Variants in GALNT11 observed in about 807,000 individuals in gnomAD.
The protein encoded by GALNT11 is polypeptide N-acetylgalactosaminyltransferase 11.
GALNT11 carries 47 observed loss-of-function variants against 72.7 expected under a neutral mutation model. That is an observed-to-expected ratio of 0.65 (90% CI 0.51 to 0.82). The LOEUF is 0.82. Ranked by LOEUF, GALNT11 falls within the 40% of genes least tolerant of loss-of-function variation. The pLI is 0.00. For missense variants in GALNT11, 677 were observed against 778.4 expected (o/e 0.87, Z 1.55); for synonymous variants, 270 against 286.6 (o/e 0.94, Z 0.58).
intron 7 of GALNT11, among the ~76,000 whole-genome samples, chr7:152,112,807 T>A (rs947525503): frequency 1.1e-4 from 16 of 151,902 alleles, no homozygotes; most frequent in Admixed American, 3.3e-4. Context: ...AAAAATCTGT[T>A]TTCCAAAAAA....
chr7:152,054,005 T>G (rs1365987775), intron 1 of GALNT11, among the ~76,000 whole-genome samples: 3 of 152,202 alleles, frequency 2.0e-5, no homozygotes, highest in African/African-American at 7.2e-5. Context: ...TGAAGACTTT[T>G]CCAATGTATT....
At chr7:152,101,426 G>A (rs1488686703) in intron 3 of GALNT11, among the ~76,000 whole-genome samples, 1 of 152,068 alleles carries the variant, frequency 6.6e-6, no homozygotes, top group East Asian at 1.9e-4. Flanking sequence ...AGTTCTCAGG[G>A]CTAGAGTCTA....
rs765238783 is a variant in GALNT11 at position 152,108,127 on chromosome 7, A to G, written c.802A>G (p.Thr268Ala). Residue 268 changes from threonine to alanine, a missense_variant, in exon 6 of 12, where the codon ACC becomes GCC. Thr to Ala is a moderately conservative substitution (Grantham distance 58). Transcript: ENST00000430044. ...LLAAIREDRH[T>A]VVCPVIDIIS... Reference sequence around the variant, plus strand: ...GGCCGCCATCCGTGAGGACCGGCACACCGTGGTGTGCCCAGTGATTGACAT... The same window carrying G: ...GGCCGCCATCCGTGAGGACCGGCACGCCGTGGTGTGCCCAGTGATTGACAT... The G allele has an allele frequency of 3.7e-6, 6 of 1,613,996 alleles. 1 individual carries two copies. The Admixed American group carries it at 1.0e-4, about 27-fold the overall frequency.
At chr7:152,081,580 T>C (rs1205808528) in intron 1 of GALNT11, among the ~76,000 whole-genome samples, 1 of 152,232 alleles carries the variant, frequency 6.6e-6, no homozygotes, top group Non-Finnish European at 1.5e-5. Context: ...TAAATTGTTA[T>C]TTGCATGTTT....
chr7:152,058,435 G>A (rs1164479567), intron 1 of GALNT11, among the ~76,000 whole-genome samples: 1 of 152,142 alleles, frequency 6.6e-6, no homozygotes, highest in African/African-American at 2.4e-5. Flanking sequence ...CCCGGTTCAA[G>A]CGATACTCCT....
At chr7:152,088,677 A>G (rs551203856) in intron 1 of GALNT11, among the ~76,000 whole-genome samples, 2 of 152,282 alleles carry the variant, frequency 1.3e-5, no homozygotes, top group East Asian at 3.9e-4. Context: ...GCATCTACCT[A>G]AAACCATCTG....
chr7:152,121,061 GGTGGTCTTCTCAGTCTGCAGTACA>G (rs2089379728), intron 11 of GALNT11, 93 bp downstream of exon 11: 2 of 1,476,652 alleles, frequency 1.4e-6, no homozygotes, highest in African/African-American at 2.8e-5. Flanking sequence ...CTACCTTGGG[GGTGGTCTTCTCAGTCTGCAGTACA>G]GTGGTCCCCC....
intron 1 of GALNT11, among the ~76,000 whole-genome samples, chr7:152,058,693 G>C (rs35761030): frequency 0.068 from 10,398 of 152,204 alleles, 652 homozygotes; most frequent in East Asian, 0.2. Context: ...TTCCATTCAT[G>C]AAAGATTTTT....
At chr7:152,043,055 T>C (rs1487073971) in intron 1 of GALNT11, among the ~76,000 whole-genome samples, 2 of 152,224 alleles carry the variant, frequency 1.3e-5, no homozygotes, top group Non-Finnish European at 2.9e-5. Context: ...CCTTGTTTAT[T>C]TGTGCTTCCA....
intron 1 of GALNT11, among the ~76,000 whole-genome samples, chr7:152,046,406 A>C (rs906970631): frequency 6.6e-6 from 1 of 152,014 alleles, no homozygotes; most frequent in African/African-American, 2.4e-5. Flanking sequence ...AAGCATTGGG[A>C]GTCTTCAGTT....
intron 1 of GALNT11, among the ~76,000 whole-genome samples, chr7:152,037,055 C>T (rs2082614590): frequency 1.3e-5 from 2 of 152,068 alleles, no homozygotes; most frequent in East Asian, 3.9e-4. Flanking sequence ...CTTTGTTGTT[C>T]CTTTGTTGTA....
chr7:152,107,862 G>T, intron 5 of GALNT11, 176 bp from the exon 6 acceptor site: 1 of 640,450 alleles, frequency 1.6e-6, no homozygotes, highest in Non-Finnish European at 2.7e-6. Context: ...TACTGGCTGA[G>T]GGACGTCCTT....
rs1475386267 is a variant in GALNT11 at position 152,094,406 on chromosome 7, C to T, written c.179C>T (p.Thr60Ile). 7.4e-6 allele frequency: 12 copies of T among 1,614,062 alleles called. No individual in the cohort carries two copies. Among genetic ancestry groups the T allele is most frequent in the Non-Finnish European group, 9.3e-6 (11 of 1,180,044 alleles). ...CCAAAAAAATTCTATCCCCGTTTCA[C>T]TCGAGGCCCAAGTCGAGTGCTCGAG... ...PSPKKFYPRFTRGPSRVLEPQ... is the reference protein window; with the variant it reads ...PSPKKFYPRFIRGPSRVLEPQ... Residue 60 changes from threonine (T) to isoleucine (I), a missense_variant, in exon 2 of 12, where the codon ACT becomes ATT. Thr to Ile is a moderately conservative substitution (Grantham distance 89). Coordinates refer to ENST00000430044, the MANE Select transcript of GALNT11 (RefSeq NM_022087.4). This position sits in a 1 kb window ranked among gnomAD's most constrained non-coding sequence, Gnocchi z 4.3.
chr7:152,118,850 C>T, intron 10 of GALNT11, 68 bp downstream of exon 10: 1 of 1,279,890 alleles, frequency 7.8e-7, no homozygotes, highest in Non-Finnish European at 1.1e-6. Flanking sequence ...AAGCTGCTGC[C>T]AGTCACTCCT....
intron 1 of GALNT11, among the ~76,000 whole-genome samples, chr7:152,026,403 AAGCCACAC>A (rs1322281771): frequency 6.6e-6 from 1 of 152,214 alleles, no homozygotes; most frequent in African/African-American, 2.4e-5. Flanking sequence ...CAAAGATAAA[AAGCCACAC>A]AGCTCCCTCA....
chr7:152,121,710 A>G lies in GALNT11; in HGVS notation c.*33A>G, dbSNP rs912640599. 4 of 1,602,816 alleles carry G rather than the reference A, an allele frequency of 2.5e-6. No homozygotes were observed. In the Admixed American group the frequency reaches 6.8e-5, roughly 27 times the overall value. On this transcript the variant is annotated 3_prime_UTR_variant, in exon 12 of 12. Coordinates refer to ENST00000430044, the MANE Select transcript of GALNT11 (RefSeq NM_022087.4). ...GCTGTGGTGGGAACGTTGCTTCATCAGGCGTTGCCTCCGGTGTGGAGTTTG... is the reference window on the plus strand; with the variant it reads ...GCTGTGGTGGGAACGTTGCTTCATCGGGCGTTGCCTCCGGTGTGGAGTTTG...
chr7:152,120,113 T>C (rs1475022478), intron 10 of GALNT11: 2 of 152,274 alleles, frequency 1.3e-5, no homozygotes, highest in African/African-American at 4.8e-5. Context: ...TAGCCACTAG[T>C]CACATTTCAA....
chr7:152,118,786 A>G lies in GALNT11; in HGVS notation c.1557+4A>G. 6.3e-7 allele frequency: 1 copy of G among 1,598,684 alleles called. No individual in the cohort carries two copies. The highest frequency in any genetic ancestry group is 2.2e-5 in the East Asian group (1 of 44,634). Reference sequence around the variant, plus strand: ...TGACTACAGTGACCCAAATCAGGTGAGTGACACCTCGGGGCTCACAGCCAG... The same window carrying G: ...TGACTACAGTGACCCAAATCAGGTGGGTGACACCTCGGGGCTCACAGCCAG... On this transcript the variant is annotated splice_donor_region_variant and intron_variant, in intron 10 of 11. Transcript: ENST00000430044.
intron 1 of GALNT11, among the ~76,000 whole-genome samples, chr7:152,080,697 C>T (rs1033257518): frequency 1.3e-4 from 20 of 152,218 alleles, no homozygotes; most frequent in African/African-American, 2.4e-5. Context: ...TACAGTGGCT[C>T]ACGCCTGTAA....
Sources: allele counts gnomAD v4.1 joint callset (sites outside exome capture counted in the v4.1 genomes callset), GRCh38; gene constraint gnomAD v4.1.1; non-coding constraint Gnocchi (gnomAD v3.1); transcripts MANE v1.5; gene names NCBI Gene and HGNC (gene_info 2026-07-23, HGNC 2026-07-21).